Variants in TENT5D observed in about 807,000 individuals in gnomAD.
The protein encoded by TENT5D is terminal nucleotidyltransferase 5D.
For synonymous variants in TENT5D, 103 were observed against 100.6 expected, an observed-to-expected ratio of 1.02 and a Z score of -0.15; for missense variants, 191 against 287.0, an observed-to-expected ratio of 0.67 and a Z score of 2.42.
At chrX:80,340,370 T>A (rs900712575) in intron 2 of TENT5D, among the ~76,000 whole-genome samples, 5 of 111,024 alleles carry the variant, frequency 4.5e-5, no homozygotes, top group Non-Finnish European at 9.4e-5. Flanking sequence ...TTACTGACCA[T>A]AGAACCTACA....
intron 3 of TENT5D, among the ~76,000 whole-genome samples, chrX:80,395,094 T>A (rs778742219): frequency 8.0e-5 from 9 of 111,930 alleles, no homozygotes; most frequent in African/African-American, 2.9e-4. Context: ...TTTTTAGATT[T>A]CACTTGTGAG....
At chrX:80,391,394 A>G (rs1931124540) in intron 3 of TENT5D, among the ~76,000 whole-genome samples, 1 of 112,283 alleles carries the variant, frequency 8.9e-6, no homozygotes, top group Non-Finnish European at 1.9e-5. Context: ...ATGATCTTAC[A>G]TTATATACTT....
intron 3 of TENT5D, among the ~76,000 whole-genome samples, chrX:80,397,376 G>T (rs1459279984): frequency 9.2e-6 from 1 of 108,763 alleles, no homozygotes; most frequent in Non-Finnish European, 1.9e-5. Context: ...TGGGATGGCG[G>T]CCGGGAAGAG....
chrX:80,366,285 T>C (rs1414766207), intron 3 of TENT5D, among the ~76,000 whole-genome samples: 1 of 109,793 alleles, frequency 9.1e-6, no homozygotes, highest in African/African-American at 3.3e-5. Flanking sequence ...GCCTTAATTA[T>C]ACAAATTATT....
At chrX:80,342,328 T>C (rs1312299135) in intron 2 of TENT5D, among the ~76,000 whole-genome samples, 2 of 111,450 alleles carry the variant, frequency 1.8e-5, no homozygotes, top group African/African-American at 6.5e-5. Flanking sequence ...ACAATTTTGT[T>C]TCATAAATGA....
At chrX:80,404,357 C>A (rs1324706663) in intron 3 of TENT5D, among the ~76,000 whole-genome samples, 1 of 111,405 alleles carries the variant, frequency 9.0e-6, no homozygotes, top group Non-Finnish European at 1.9e-5. Context: ...TGTAAAAAAT[C>A]TATAAAATGT....
At chrX:80,341,861 G>A (rs1184943636) in intron 2 of TENT5D, among the ~76,000 whole-genome samples, 5 of 106,065 alleles carry the variant, frequency 4.7e-5, no homozygotes, top group Admixed American at 1.0e-4. Flanking sequence ...ACAGGCGCCC[G>A]CTACCACGCC....
chrX:80,421,051 C>G (rs957405606), intron 1 of TENT5D, among the ~76,000 whole-genome samples: 1 of 111,944 alleles, frequency 8.9e-6, no homozygotes, highest in Non-Finnish European at 1.9e-5. Context: ...TACTACATAC[C>G]AGTGAAAGAA....
chrX:80,368,858 TACTC>T (rs1302152340), intron 3 of TENT5D, among the ~76,000 whole-genome samples: 3 of 112,158 alleles, frequency 2.7e-5, no homozygotes, highest in Non-Finnish European at 5.6e-5. Flanking sequence ...TAGCTCCTCA[TACTC>T]AGAAAGCTTG....
chrX:80,407,238 C>T (rs1484065903), intron 3 of TENT5D, among the ~76,000 whole-genome samples: 9 of 108,512 alleles, frequency 8.3e-5, no homozygotes, highest in African/African-American at 2.0e-4. Context: ...AGGATCAAAT[C>T]CACACATAAC....
intron 3 of TENT5D, among the ~76,000 whole-genome samples, chrX:80,398,385 T>G (rs2147543858): frequency 8.9e-6 from 1 of 112,238 alleles, no homozygotes; most frequent in African/African-American, 3.2e-5. Context: ...ACATTTCCTT[T>G]GCTGTGCAGA....
intron 2 of TENT5D, among the ~76,000 whole-genome samples, chrX:80,340,169 T>G (rs1274627230): frequency 9.0e-6 from 1 of 110,899 alleles, no homozygotes; most frequent in Non-Finnish European, 1.9e-5. Flanking sequence ...AGAAAACTCA[T>G]TTTTAATAAA....
At chrX:80,374,333 T>C (rs898750502) in intron 3 of TENT5D, among the ~76,000 whole-genome samples, 3 of 111,551 alleles carry the variant, frequency 2.7e-5, no homozygotes, top group African/African-American at 9.8e-5. Flanking sequence ...AAGATTTATA[T>C]TCCTTTGGAT....
chrX:80,386,240 G>A (rs1352073246), intron 3 of TENT5D, among the ~76,000 whole-genome samples: 2 of 112,100 alleles, frequency 1.8e-5, no homozygotes, highest in Non-Finnish European at 3.8e-5. Flanking sequence ...ATACTATGCA[G>A]CCATAAAAAA....
chrX:80,413,932 A>T (rs983718789), intron 3 of TENT5D, among the ~76,000 whole-genome samples: 13 of 112,623 alleles, frequency 1.2e-4, no homozygotes, highest in Non-Finnish European at 1.9e-5. Flanking sequence ...TGCACAATTT[A>T]TGTGATTACT....
chrX:80,407,530 C>G (rs1489474698), intron 3 of TENT5D, among the ~76,000 whole-genome samples: 2 of 108,094 alleles, frequency 1.9e-5, no homozygotes, highest in Non-Finnish European at 3.8e-5. Context: ...GTAAAGGGAT[C>G]AATTCAACAA....
At chrX:80,436,356 A>C (rs928487635) in intron 1 of TENT5D, among the ~76,000 whole-genome samples, 2 of 111,238 alleles carry the variant, frequency 1.8e-5, no homozygotes, top group African/African-American at 6.5e-5. Flanking sequence ...TTTCAAGGCA[A>C]AGTATATTAA....
chrX:80,405,676 G>A (rs1931473366), intron 3 of TENT5D, among the ~76,000 whole-genome samples: 1 of 110,931 alleles, frequency 9.0e-6, no homozygotes, highest in South Asian at 3.8e-4. Context: ...GAGGCTGGAG[G>A]AGGGGCGCCC....
At chrX:80,438,541 G>A (rs1222248538) in intron 1 of TENT5D, 69 bp from the exon 2 acceptor site, 1 of 108,911 alleles carries the variant, frequency 9.2e-6, no homozygotes, top group African/African-American at 3.3e-5. Context: ...GTCGGCCATG[G>A]GGCATCATTA....
Sources: allele counts gnomAD v4.1 joint callset (sites outside exome capture counted in the v4.1 genomes callset), GRCh38; gene constraint gnomAD v4.1.1; transcripts MANE v1.5; gene names NCBI Gene and HGNC (gene_info 2026-07-23, HGNC 2026-07-21).